Variants in LHFPL3 observed in about 807,000 individuals in gnomAD.
LHFPL3 encodes the protein LHFPL tetraspan subfamily member 3 protein.
A neutral mutation model predicts 19.3 loss-of-function variants in LHFPL3; 5 were observed. That is an observed-to-expected ratio of 0.26 (90% CI 0.14 to 0.54). The LOEUF (loss-of-function observed/expected upper bound fraction) is 0.54, where lower values mean the gene tolerates loss of function less well. Ranked by LOEUF, LHFPL3 falls within the 20% of genes least tolerant of loss-of-function variation. The pLI is 0.94. For missense variants in LHFPL3, 249 were observed against 307.4 expected (o/e 0.81, Z 1.42); for synonymous variants, 133 against 126.2 (o/e 1.05, Z -0.36).
intron 1 of LHFPL3, among the ~76,000 whole-genome samples, chr7:104,468,674 T>TC (rs397951893): frequency 4.1e-5 from 6 of 144,902 alleles, no homozygotes; most frequent in African/African-American, 1.3e-4. Flanking sequence ...TTTTTTTTTT[T>TC]CCGAGTTGGA....
intron 2 of LHFPL3, among the ~76,000 whole-genome samples, chr7:104,789,635 A>T (rs2116443354): frequency 6.6e-6 from 1 of 152,126 alleles, no homozygotes; most frequent in East Asian, 1.9e-4. Context: ...TTTACACTAC[A>T]TTTGTATGTA....
At chr7:104,634,744 C>T (rs574987167) in intron 1 of LHFPL3, among the ~76,000 whole-genome samples, 5 of 152,250 alleles carry the variant, frequency 3.3e-5, no homozygotes, top group Middle Eastern at 6.8e-3. Flanking sequence ...TAGATATCTC[C>T]CCAGAAGGCC....
chr7:104,674,825 G>A (rs1205731125), intron 1 of LHFPL3, among the ~76,000 whole-genome samples: 1 of 152,112 alleles, frequency 6.6e-6, no homozygotes, highest in East Asian at 1.9e-4. Context: ...TTCCAACAAA[G>A]AGTAAACATA....
chr7:104,880,908 T>C lies in LHFPL3; in HGVS notation c.683-25279T>C, dbSNP rs140669765. ...TTGTGTGGCCAGGCGCGGTGGCTCATGCCTGTAATCCCAGCACTTTGGGAG... is the reference window on the plus strand; with the variant it reads ...TTGTGTGGCCAGGCGCGGTGGCTCACGCCTGTAATCCCAGCACTTTGGGAG... On this transcript the variant is annotated intron_variant, in intron 2 of 2. Coordinates refer to ENST00000424859, the MANE Select transcript of LHFPL3 (RefSeq NM_199000.3). Among the ~76,000 whole-genome samples, 994 of 152,286 alleles carry C rather than the reference T, an allele frequency of 6.5e-3. 7 individuals are homozygous for C. The highest frequency in any genetic ancestry group is 9.9e-3 in the Non-Finnish European group (676 of 68,020).
intron 1 of LHFPL3, among the ~76,000 whole-genome samples, chr7:104,671,451 C>A (rs944110091): frequency 4.6e-5 from 7 of 150,848 alleles, no homozygotes; most frequent in Non-Finnish European, 1.0e-4. Context: ...ACAAAAATAT[C>A]TTCTATGAAA....
At chr7:104,513,616 A>G (rs1793864159) in intron 1 of LHFPL3, among the ~76,000 whole-genome samples, 1 of 152,212 alleles carries the variant, frequency 6.6e-6, no homozygotes, top group Non-Finnish European at 1.5e-5. Context: ...GGCAATAATT[A>G]AAGACGGAGA....
At chr7:104,846,234 G>C (rs1011757187) in intron 2 of LHFPL3, among the ~76,000 whole-genome samples, 5 of 152,134 alleles carry the variant, frequency 3.3e-5, no homozygotes, top group African/African-American at 1.2e-4. Context: ...GAATAAATTG[G>C]GAAGGAGGGA....
chr7:104,691,899 T>C (rs1271742389), intron 1 of LHFPL3, among the ~76,000 whole-genome samples: 1 of 152,318 alleles, frequency 6.6e-6, no homozygotes, highest in East Asian at 1.9e-4. Context: ...TAGAGACTTG[T>C]TGAATGGCTT....
intron 1 of LHFPL3, among the ~76,000 whole-genome samples, chr7:104,397,125 A>G (rs893581512): frequency 2.0e-5 from 3 of 152,220 alleles, no homozygotes; most frequent in Admixed American, 2.0e-4. Flanking sequence ...ATAAAAATAT[A>G]TATTAGTACA....
intron 1 of LHFPL3, among the ~76,000 whole-genome samples, chr7:104,630,283 G>A (rs1240126275): frequency 6.6e-6 from 1 of 152,164 alleles, no homozygotes; most frequent in Non-Finnish European, 1.5e-5. Context: ...GGTCTAGAGA[G>A]ATTTTTCAAA....
intron 1 of LHFPL3, among the ~76,000 whole-genome samples, chr7:104,496,119 T>TG (rs1793471750): frequency 6.6e-6 from 1 of 152,112 alleles, no homozygotes; most frequent in Non-Finnish European, 1.5e-5. Context: ...TCCCTCCTCC[T>TG]TCCCCCCACC....
chr7:104,691,468 C>G (rs762113487), intron 1 of LHFPL3, among the ~76,000 whole-genome samples: 7 of 152,248 alleles, frequency 4.6e-5, no homozygotes, highest in Admixed American at 6.5e-5. Flanking sequence ...GCACTACAAC[C>G]CCTGTCTAGG....
chr7:104,551,470 C>CT lies in LHFPL3; in HGVS notation c.446-185198dup, dbSNP rs1331163338. 2.3e-4 allele frequency among the ~76,000 whole-genome samples: 35 copies of CT among 152,172 alleles called. No homozygotes were observed. In the East Asian group the frequency reaches 6.6e-3, roughly 29 times the overall value. ...TCTTCTTAGGAACATGAACTCTTCC[C>CT]TTTTTTTCTGCCCTTCCACCCCTCC... On this transcript the variant is annotated intron_variant, in intron 1 of 2. Coordinates refer to ENST00000424859, the MANE Select transcript of LHFPL3 (RefSeq NM_199000.3).
rs76600352 is a variant in LHFPL3, at chr7:104,605,243, A to G, written c.446-131432A>G. 4.4e-3 allele frequency among the ~76,000 whole-genome samples: 675 copies of G among 152,250 alleles called. 5 individuals are homozygous for G. Among genetic ancestry groups the G allele is most frequent in the African/African-American group, 0.015 (613 of 41,544 alleles). Reference sequence around the variant, plus strand: ...ATGGATTTTACTTTGTTTCCTAAAGACTATCCTTTAACCTCTCTCCCCTTT... The same window carrying G: ...ATGGATTTTACTTTGTTTCCTAAAGGCTATCCTTTAACCTCTCTCCCCTTT... On this transcript the variant is annotated intron_variant, in intron 1 of 2. Transcript: ENST00000424859.
At chr7:104,607,008 C>T (rs970196528) in intron 1 of LHFPL3, among the ~76,000 whole-genome samples, 1 of 152,126 alleles carries the variant, frequency 6.6e-6, no homozygotes, top group East Asian at 1.9e-4. Flanking sequence ...TCTATAGGAG[C>T]AATTGGCAAG....
chr7:104,790,238 A>G (rs923701352), intron 2 of LHFPL3, among the ~76,000 whole-genome samples: 5 of 152,154 alleles, frequency 3.3e-5, no homozygotes, highest in Non-Finnish European at 7.4e-5. Flanking sequence ...CCTTCTGTTT[A>G]CCACCCAAGG....
At chr7:104,545,637 C>G (rs1794565150) in intron 1 of LHFPL3, among the ~76,000 whole-genome samples, 1 of 152,182 alleles carries the variant, frequency 6.6e-6, no homozygotes, top group Admixed American at 6.5e-5. Context: ...CTATCACCTC[C>G]TCTTCAATTG....
intron 1 of LHFPL3, among the ~76,000 whole-genome samples, chr7:104,571,349 TC>T (rs976830496): frequency 3.9e-5 from 6 of 152,240 alleles, no homozygotes; most frequent in South Asian, 4.1e-4. Flanking sequence ...AGTTTTTTTT[TC>T]CCAATTTTCA....
In LHFPL3 at chr7:104,865,948, A is replaced by T. The variant is rs1584585262; in HGVS notation, c.683-40239A>T. Among the ~76,000 whole-genome samples the T allele has an allele frequency of 2.6e-5, 4 of 152,246 alleles. No homozygotes were observed. The South Asian group carries it at 8.3e-4, about 31-fold the overall frequency. ...ACGTTCTTAAAGAAAAGAATTTTCA[A>T]CCCAGAATTTCATATCCAGCCAAAC... On this transcript the variant is annotated intron_variant, in intron 2 of 2. Coordinates refer to ENST00000424859, the MANE Select transcript of LHFPL3 (RefSeq NM_199000.3).
Sources: gnomAD v4.1 joint callset for allele counts (sites outside exome capture counted in the v4.1 genomes callset) on GRCh38, gnomAD v4.1.1 for gene constraint, MANE v1.5 for transcripts, NCBI Gene and HGNC (gene_info 2026-07-23, HGNC 2026-07-21) for gene names.